The following CACNA1C variants were observed in gnomAD, a reference collection of about 807,000 sequenced individuals.
The protein encoded by CACNA1C is voltage-dependent L-type calcium channel subunit alpha-1C.
A neutral mutation model predicts 229.0 loss-of-function variants in CACNA1C; 30 were observed. The ratio of observed to expected loss-of-function variants is 0.13; its 90% CI spans 0.10 to 0.18. The LOEUF (loss-of-function observed/expected upper bound fraction) is 0.18. Ranked by LOEUF, CACNA1C falls within the 10% of genes least tolerant of loss-of-function variation. The probability of loss-of-function intolerance (pLI) is 1.00; values close to 1 mark genes in which losing one functional copy is unlikely to be tolerated. For synonymous variants in CACNA1C, 1,114 were observed against 1,132.5 expected, an observed-to-expected ratio of 0.98 and a Z score of 0.33; for missense variants, 1,658 against 2,845.0, an observed-to-expected ratio of 0.58 and a Z score of 9.49.
chr12:2,130,274 A>G (rs1321716774), intron 3 of CACNA1C, among the ~76,000 whole-genome samples: 2 of 149,584 alleles, frequency 1.3e-5, no homozygotes, highest in African/African-American at 2.5e-5. Flanking sequence ...GTTTATTAGC[A>G]AATACATTTA....
At chr12:2,487,452 C>A (rs1006961448) in intron 6 of CACNA1C, among the ~76,000 whole-genome samples, 1 of 143,302 alleles carries the variant, frequency 7.0e-6, no homozygotes, top group Non-Finnish European at 1.5e-5. Context: ...CTAGTATGAC[C>A]GGATGGATTA....
At chr12:2,401,453 G>T (rs1412329573) in intron 3 of CACNA1C, among the ~76,000 whole-genome samples, 9 of 152,222 alleles carry the variant, frequency 5.9e-5, no homozygotes. Flanking sequence ...ACCAACCTAT[G>T]AGGTCAGCAG....
chr12:2,446,750 TGAG>T (rs887491818), intron 3 of CACNA1C, among the ~76,000 whole-genome samples: 58 of 142,898 alleles, frequency 4.1e-4, no homozygotes, highest in Admixed American at 3.6e-3. Context: ...GATGAATGGA[TGAG>T]TAGTGAGTGG....
At chr12:2,643,328 C>A (rs1017300394) in intron 30 of CACNA1C, among the ~76,000 whole-genome samples, 33 of 152,192 alleles carry the variant, frequency 2.2e-4, no homozygotes, top group African/African-American at 8.0e-4. Context: ...CGTTCCCTGC[C>A]CTTTGTTTGT....
intron 3 of CACNA1C, among the ~76,000 whole-genome samples, chr12:2,163,500 G>A (rs2096026271): frequency 6.6e-6 from 1 of 152,108 alleles, no homozygotes; most frequent in Non-Finnish European, 1.5e-5. Flanking sequence ...CTAGGAACAA[G>A]ATGTGTGACT....
chr12:2,073,052 C>T (rs193276391), intron 1 of CACNA1C, among the ~76,000 whole-genome samples: 3 of 152,270 alleles, frequency 2.0e-5, no homozygotes, highest in Admixed American at 2.0e-4. Flanking sequence ...ATCACACATT[C>T]TCAGTGGCGG....
chr12:2,546,119 G>T (rs149305319), intron 9 of CACNA1C, among the ~76,000 whole-genome samples: 1 of 152,050 alleles, frequency 6.6e-6, no homozygotes, highest in East Asian at 1.9e-4. Flanking sequence ...CCATGCAGTG[G>T]CTTGTGTCTT....
chr12:2,477,461 C>T (rs2099635725), intron 5 of CACNA1C, among the ~76,000 whole-genome samples: 5 of 152,184 alleles, frequency 3.3e-5, no homozygotes, highest in Admixed American at 2.6e-4. Context: ...TAGAAAGCCA[C>T]TCTGTCTTAT....
At position 2,691,125 on chromosome 12, in the gene CACNA1C, G is replaced by T. The variant is rs746455695; in HGVS notation, c.6343G>T (p.Gly2115Cys). Reference protein sequence around the residue: ...QDRAGGEEDAGCVRARGRPSE... With the variant: ...QDRAGGEEDACCVRARGRPSE... Reference sequence around the variant, plus strand: ...CCGAGCCGGGGGCGAAGAGGACGCGGGCTGTGTGCGCGCGCGGGGTCGACC... The same window carrying T: ...CCGAGCCGGGGGCGAAGAGGACGCGTGCTGTGTGCGCGCGCGGGGTCGACC... Residue 2115 changes from glycine to cysteine, a missense_variant, in exon 47 of 47, where the codon GGC becomes TGC. By Grantham distance (159) the Gly-to-Cys change is radical. Coordinates refer to ENST00000399655, the MANE Select transcript of CACNA1C (RefSeq NM_000719.7). The T allele has an allele frequency of 6.2e-7, 1 of 1,609,142 alleles. No individual in the cohort carries two copies. The highest frequency in any genetic ancestry group is 1.1e-5 in the South Asian group (1 of 90,910).
chr12:2,440,648 C>A (rs2099214644), intron 3 of CACNA1C, among the ~76,000 whole-genome samples: 1 of 152,186 alleles, frequency 6.6e-6, no homozygotes, highest in South Asian at 2.1e-4. Flanking sequence ...CACAGTAACC[C>A]AGGGGTTTCA....
chr12:2,690,756 C>G, intron 46 of CACNA1C, 144 bp from the exon 47 acceptor site: 1 of 766,180 alleles, frequency 1.3e-6, no homozygotes, highest in Non-Finnish European at 2.0e-6. Context: ...GTGCCCCTCC[C>G]AACACACACA....
Position 2,250,670 on chromosome 12 carries a change from C to T in CACNA1C, c.477+130240C>T, listed in dbSNP as rs148869331. 7.3e-3 allele frequency among the ~76,000 whole-genome samples: 1,115 copies of T among 152,288 alleles called. 9 individuals are homozygous for T. Among genetic ancestry groups the T allele is most frequent in the Middle Eastern group, 0.01 (3 of 294 alleles). On this transcript the variant is annotated intron_variant, in intron 3 of 46. Coordinates refer to ENST00000399655, the MANE Select transcript of CACNA1C (RefSeq NM_000719.7). ...AATCCAGTGACCTCCCAACCCCAGC[C>T]GGCCCTCCTGACTTGATCATTGTGG...
At chr12:2,622,948 G>C (rs1398318442) in intron 29 of CACNA1C, among the ~76,000 whole-genome samples, 1 of 152,160 alleles carries the variant, frequency 6.6e-6, no homozygotes, top group African/African-American at 2.4e-5. Flanking sequence ...GGATAACCCT[G>C]ACCACAGCAA....
At chr12:2,163,839 C>T (rs1404736418) in intron 3 of CACNA1C, among the ~76,000 whole-genome samples, 1 of 152,190 alleles carries the variant, frequency 6.6e-6, no homozygotes, top group Non-Finnish European at 1.5e-5. Flanking sequence ...TGTGGCTGAT[C>T]TAAAACATAA....
intron 3 of CACNA1C, among the ~76,000 whole-genome samples, chr12:2,343,453 A>G (rs2283302): frequency 0.75 from 113,508 of 152,126 alleles, 43,016 homozygotes; most frequent in African/African-American, 0.88. Context: ...CAAGATGCCC[A>G]GCTGGATTTG....
At chr12:2,093,420 G>T (rs1040418006) in intron 1 of CACNA1C, among the ~76,000 whole-genome samples, 7 of 152,246 alleles carry the variant, frequency 4.6e-5, no homozygotes, top group Non-Finnish European at 1.0e-4. Context: ...TCAGGGTTAT[G>T]TTGGAGCAGG....
At position 2,693,860 on chromosome 12, in the gene CACNA1C, C is replaced by CACAT. The variant is rs1418027794; in HGVS notation, c.*2663_*2666dup. The CACAT allele has an allele frequency of 6.6e-6, 1 of 152,166 alleles. No individual in the cohort carries two copies. Among genetic ancestry groups the CACAT allele is most frequent in the Non-Finnish European group, 1.5e-5 (1 of 68,048 alleles). 9.4% of individuals were successfully genotyped at this position (152,166 alleles called of 1,614,324 possible). ...CTAGTGTTCCCTGAGCCCCTCTTGG[C>CACAT]ACATATATAAGTAAGCTAGAAATTA... On this transcript the variant is annotated 3_prime_UTR_variant, in exon 47 of 47. Transcript: ENST00000399655.
In CACNA1C at chr12:2,692,934, C is replaced by T. The variant is rs1158703905; in HGVS notation, c.*1735C>T. 6.6e-6 allele frequency: 1 copy of T among 152,604 alleles called. No homozygotes were observed. The highest frequency in any genetic ancestry group is 2.4e-5 in the African/African-American group (1 of 41,432). 9.5% of individuals were successfully genotyped at this position (152,604 alleles called of 1,614,324 possible). A position where few individuals can be genotyped will look rare whatever the true frequency, so the allele number is the denominator to read the frequency against. Reference sequence around the variant, plus strand: ...AAATCATTTTGTATTTGGAGTGTGACAAGCTTTACCTTTGAACTCAAGTGC... The same window carrying T: ...AAATCATTTTGTATTTGGAGTGTGATAAGCTTTACCTTTGAACTCAAGTGC... On this transcript the variant is annotated 3_prime_UTR_variant, in exon 47 of 47. Transcript: ENST00000399655.
chr12:2,084,665 G>T (rs1198698658), intron 1 of CACNA1C, among the ~76,000 whole-genome samples: 1 of 152,148 alleles, frequency 6.6e-6, no homozygotes, highest in Admixed American at 6.5e-5. Context: ...TGCTCAGCCT[G>T]CTATGTCCCT....
Sources: allele counts gnomAD v4.1 joint callset (sites outside exome capture counted in the v4.1 genomes callset), GRCh38; gene constraint gnomAD v4.1.1; transcripts MANE v1.5; gene names NCBI Gene and HGNC (gene_info 2026-07-23, HGNC 2026-07-21).